CLDN14: variants seen among roughly 807,000 people sequenced by gnomAD.
CLDN14 encodes claudin-14.
Under a neutral mutation model 2.1 loss-of-function variants are expected in CLDN14, and 2 were observed. That is an observed-to-expected ratio of 0.96 (90% CI 0.39 to 3.01). CLDN14 has a LOEUF of 3.01. Among genes scored for constraint, CLDN14 ranks in the 30% most tolerant of loss-of-function variants. The pLI is 0.09. For missense variants in CLDN14, 298 were observed against 328.0 expected, an observed-to-expected ratio of 0.91 and a Z score of 0.71; for synonymous variants, 136 against 154.4, an observed-to-expected ratio of 0.88 and a Z score of 0.88.
chr21:36,572,224 T>G (rs1476093363), intron 1 of CLDN14, among the ~76,000 whole-genome samples: 1 of 152,196 alleles, frequency 6.6e-6, no homozygotes, highest in Non-Finnish European at 1.5e-5. Flanking sequence ...GCTATGTAAT[T>G]CCAGCCCTGG....
At chr21:36,496,439 A>C (rs2087018546) in intron 2 of CLDN14, among the ~76,000 whole-genome samples, 1 of 93,204 alleles carries the variant, frequency 1.1e-5, no homozygotes, top group Non-Finnish European at 2.6e-5. Flanking sequence ...CTTGTTTCAA[A>C]AAAAAAAAAA....
At chr21:36,479,144 G>A (rs1284640151) in intron 1 of CLDN14, among the ~76,000 whole-genome samples, 5 of 152,138 alleles carry the variant, frequency 3.3e-5, no homozygotes, top group Non-Finnish European at 7.4e-5. Context: ...TGAGCTCCCC[G>A]AGCTGAGCTG....
intron 2 of CLDN14, among the ~76,000 whole-genome samples, chr21:36,509,077 T>C (rs1453607032): frequency 6.6e-6 from 1 of 152,206 alleles, no homozygotes; most frequent in Non-Finnish European, 1.5e-5. Flanking sequence ...AAAGAATATA[T>C]AAAAACCAAT....
chr21:36,555,209 T>C (rs1210403823), intron 1 of CLDN14, among the ~76,000 whole-genome samples: 1 of 152,216 alleles, frequency 6.6e-6, no homozygotes, highest in East Asian at 1.9e-4. Context: ...GCTTTTCTAG[T>C]ATTTGGAGTG....
intron 1 of CLDN14, among the ~76,000 whole-genome samples, chr21:36,474,157 A>G (rs1250985719): frequency 3.3e-5 from 5 of 152,214 alleles, no homozygotes; most frequent in Non-Finnish European, 7.3e-5. Flanking sequence ...CATAGACCTC[A>G]GGATATCTGT....
chr21:36,513,820 G>A (rs575679192), intron 1 of CLDN14, among the ~76,000 whole-genome samples: 2 of 152,136 alleles, frequency 1.3e-5, no homozygotes, highest in South Asian at 4.2e-4. Flanking sequence ...TAATTGATAC[G>A]AGTTCTTTCT....
intron 1 of CLDN14, among the ~76,000 whole-genome samples, chr21:36,476,973 T>C (rs1205089516): frequency 6.6e-6 from 1 of 152,272 alleles, no homozygotes; most frequent in Non-Finnish European, 1.5e-5. Context: ...TGGCTTAGCC[T>C]TTAGACATAC....
At chr21:36,486,986 A>ATTT (rs57062881) in intron 2 of CLDN14, 121 of 281,936 alleles carry the variant, frequency 4.3e-4, no homozygotes, top group South Asian at 9.5e-4. Context: ...ATTTTGTTTA[A>ATTT]TTTTTTTTTT....
intron 1 of CLDN14, among the ~76,000 whole-genome samples, chr21:36,556,416 A>G (rs969768397): frequency 2.6e-5 from 4 of 152,134 alleles, no homozygotes; most frequent in Non-Finnish European, 5.9e-5. Flanking sequence ...CACTCCACCA[A>G]AGCCCTTTTT....
intron 1 of CLDN14, among the ~76,000 whole-genome samples, chr21:36,466,598 CGTG>C (rs2086649270): frequency 6.6e-6 from 1 of 152,162 alleles, no homozygotes; most frequent in African/African-American, 2.4e-5. Context: ...CCCCACGACA[CGTG>C]GGGATTATGG....
chr21:36,485,002 G>A (rs988067594), upstream of CLDN14, among the ~76,000 whole-genome samples: 8 of 144,566 alleles, frequency 5.5e-5, no homozygotes, highest in African/African-American at 2.0e-4. Flanking sequence ...ATGAGCCACT[G>A]TACTGGGCTG....
rs891407982 is a variant in CLDN14, at chr21:36,498,004, C to CTT, written c.-82+12357_-82+12358dup. 7.0e-6 allele frequency among the ~76,000 whole-genome samples: 1 copy of CTT among 143,270 alleles called. No homozygotes were observed. The highest frequency in any genetic ancestry group is 1.5e-5 in the Non-Finnish European group (1 of 65,318). 94.0% of individuals were successfully genotyped at this position (143,270 alleles called of 152,430 possible). On this transcript the variant is annotated intron_variant, in intron 2 of 2. Transcript: ENST00000342108. The surrounding 1 kb of genome is among the most constrained non-coding windows in gnomAD (Gnocchi z 4.9). ...CACTGTTGTCAGCGAGAGGAAGATG[C>CTT]TTTTTTTTTTTTTGAGATGGAGTTT...
Position 36,517,558 on chromosome 21 carries a change from C to T in CLDN14, c.-219-7058G>A, listed in dbSNP as rs1263628241. 2.6e-5 allele frequency among the ~76,000 whole-genome samples: 4 copies of T among 152,000 alleles called. 1 individual carries two copies. The highest frequency in any genetic ancestry group is 4.2e-4 in the South Asian group (2 of 4,800). Reference sequence around the variant, plus strand: ...CAGCTCCCAAGAGGGTGTAGAGAAACGTGTGGGCACAGCTTTTGTTGCAAT... The same window carrying T: ...CAGCTCCCAAGAGGGTGTAGAGAAATGTGTGGGCACAGCTTTTGTTGCAAT... On this transcript the variant is annotated intron_variant, in intron 1 of 2. Transcript: ENST00000342108.
chr21:36,553,085 G>T (rs1297020084), intron 1 of CLDN14, among the ~76,000 whole-genome samples: 3 of 152,188 alleles, frequency 2.0e-5, no homozygotes, highest in Non-Finnish European at 4.4e-5. Context: ...CAACAGATGG[G>T]AGCTAAAGCA....
chr21:36,539,368 CG>C (rs1453260430), intron 1 of CLDN14, among the ~76,000 whole-genome samples: 1 of 100,818 alleles, frequency 9.9e-6, no homozygotes, highest in Non-Finnish European at 2.1e-5. Flanking sequence ...AGTGTATGTG[CG>C]GAGTGAGTGT....
chr21:36,482,399 TGGATGGATAGAC>T (rs2086855496), upstream of CLDN14, among the ~76,000 whole-genome samples: 1 of 136,750 alleles, frequency 7.3e-6, no homozygotes. Context: ...GATGGATGGA[TGGATGGATAGAC>T]GGATGGATGG....
At chr21:36,465,622 C>T (rs921479323) in intron 1 of CLDN14, among the ~76,000 whole-genome samples, 3 of 152,178 alleles carry the variant, frequency 2.0e-5, no homozygotes, top group East Asian at 1.9e-4. Flanking sequence ...AAAATTCCTC[C>T]GTGATGCTCC....
At chr21:36,506,545 C>T (rs7275699) in intron 2 of CLDN14, among the ~76,000 whole-genome samples, 6 of 149,870 alleles carry the variant, frequency 4.0e-5, no homozygotes, top group East Asian at 3.9e-4. Context: ...TGCAGTGAGC[C>T]GAGATCGGGC....
intron 1 of CLDN14, among the ~76,000 whole-genome samples, chr21:36,574,083 G>T (rs1356113018): frequency 3.3e-5 from 5 of 152,082 alleles, no homozygotes; most frequent in Admixed American, 3.3e-4. Context: ...AAACATGAAG[G>T]ATCTAGAATA....
Sources: allele counts gnomAD v4.1 joint callset (sites outside exome capture counted in the v4.1 genomes callset), GRCh38; gene constraint gnomAD v4.1.1; non-coding constraint Gnocchi (gnomAD v3.1); transcripts MANE v1.5; gene names NCBI Gene and HGNC (gene_info 2026-07-23, HGNC 2026-07-21).